KIAA1958: variants seen among roughly 807,000 people sequenced by gnomAD.
The protein encoded by KIAA1958 is KIAA1958, also known as uncharacterized protein KIAA1958.
KIAA1958 carries 14 observed loss-of-function variants against 47.2 expected under a neutral mutation model. The observed-to-expected ratio is 0.30, with a 90% CI of 0.20 to 0.46. The LOEUF is 0.46. Ranked by LOEUF, KIAA1958 falls within the 20% of genes least tolerant of loss-of-function variation. The probability of loss-of-function intolerance (pLI) is 1.00; values close to 1 mark genes in which losing one functional copy is unlikely to be tolerated. For synonymous variants in KIAA1958, 354 were observed against 353.3 expected, an observed-to-expected ratio of 1.00 and a Z score of -0.02; for missense variants, 803 against 909.2, an observed-to-expected ratio of 0.88 and a Z score of 1.50.
chr9:112,660,169 C>G lies in KIAA1958; in HGVS notation c.*100C>G. 2.9e-6 allele frequency: 3 copies of G among 1,040,728 alleles called. No individual in the cohort carries two copies. The highest frequency in any genetic ancestry group is 1.5e-5 in the South Asian group (1 of 67,364). 64.5% of individuals were successfully genotyped at this position (1,040,728 alleles called of 1,614,324 possible). ...GAGGCAGGGGCTGACCAGGTGTGAC[C>G]TCCCGGTCTGGCGGCTCTCCCCTGG... On this transcript the variant is annotated 3_prime_UTR_variant, in exon 4 of 4. Transcript: ENST00000337530.
chr9:112,618,836 G>T lies in KIAA1958; in HGVS notation c.1172-26814G>T. 6.4e-7 allele frequency: 1 copy of T among 1,550,498 alleles called. No individual in the cohort carries two copies. Among genetic ancestry groups the T allele is most frequent in the African/African-American group, 1.4e-5 (1 of 73,152 alleles). ...CTGTAACAATCTGAGCCAGCAGGCTGCCCAGTCAGTGGCCGGCCACTCCAA... is the reference window on the plus strand; with the variant it reads ...CTGTAACAATCTGAGCCAGCAGGCTTCCCAGTCAGTGGCCGGCCACTCCAA... On this transcript the variant is annotated intron_variant, in intron 2 of 3. Coordinates refer to ENST00000337530, the MANE Select transcript of KIAA1958 (RefSeq NM_133465.4). This position sits in a 1 kb window ranked among gnomAD's most constrained non-coding sequence, Gnocchi z 7.1.
rs1021368509 is a variant in KIAA1958 at position 112,662,360 on chromosome 9, A to G, written c.*2291A>G. The G allele has an allele frequency of 1.3e-5, 2 of 152,292 alleles. No individual in the cohort carries two copies. Among genetic ancestry groups the G allele is most frequent in the African/African-American group, 4.8e-5 (2 of 41,468 alleles). 9.4% of individuals were successfully genotyped at this position (152,292 alleles called of 1,614,324 possible). A position where few individuals can be genotyped will look rare whatever the true frequency, so the allele number is the denominator to read the frequency against. ...GAAGAAAACACAGTCATCAAGTGCCAGCGTGTGCCACCCATTGTACTAGGT... is the reference window on the plus strand; with the variant it reads ...GAAGAAAACACAGTCATCAAGTGCCGGCGTGTGCCACCCATTGTACTAGGT... On this transcript the variant is annotated 3_prime_UTR_variant, in exon 4 of 4. Transcript: ENST00000337530.
At chr9:112,532,176 T>C (rs779805264) in intron 1 of KIAA1958, among the ~76,000 whole-genome samples, 1 of 152,224 alleles carries the variant, frequency 6.6e-6, no homozygotes, top group Non-Finnish European at 1.5e-5. Context: ...GTAGCTTTTG[T>C]AGGCTGATGT....
chr9:112,533,458 G>A (rs1834788989), intron 1 of KIAA1958, among the ~76,000 whole-genome samples: 1 of 150,752 alleles, frequency 6.6e-6, no homozygotes, highest in East Asian at 1.9e-4. Flanking sequence ...GGTGGGTGCT[G>A]TAGTCCCAGC....
At chr9:112,567,959 CAAAAAAA>C (rs35931681) in intron 1 of KIAA1958, among the ~76,000 whole-genome samples, 4 of 66,180 alleles carry the variant, frequency 6.0e-5, no homozygotes, top group Admixed American at 2.1e-4. Flanking sequence ...GAATCCATCT[CAAAAAAA>C]AAAAAAAAAA....
At chr9:112,496,762 A>G (rs1181638107) in intron 1 of KIAA1958, among the ~76,000 whole-genome samples, 1 of 152,148 alleles carries the variant, frequency 6.6e-6, no homozygotes, top group Non-Finnish European at 1.5e-5. Context: ...GAAGCTCAGA[A>G]ACTTTACTGG....
chr9:112,522,142 T>C (rs971668991), intron 1 of KIAA1958, among the ~76,000 whole-genome samples: 1 of 152,070 alleles, frequency 6.6e-6, no homozygotes, highest in Admixed American at 6.6e-5. Flanking sequence ...CAGCTAATTT[T>C]CTATTTTTAG....
chr9:112,543,453 G>A (rs899877707), intron 1 of KIAA1958, among the ~76,000 whole-genome samples: 11 of 151,916 alleles, frequency 7.2e-5, no homozygotes, highest in African/African-American at 2.7e-4. Flanking sequence ...CTGACACCTT[G>A]GTTATATGGT....
intron 3 of KIAA1958, among the ~76,000 whole-genome samples, chr9:112,652,548 C>T (rs1837069946): frequency 1.3e-5 from 2 of 152,116 alleles, no homozygotes; most frequent in South Asian, 2.1e-4. Flanking sequence ...TTAAGAAAAA[C>T]GTTCTGTATC....
chr9:112,492,988 G>A (rs1202114970), intron 1 of KIAA1958, among the ~76,000 whole-genome samples: 1 of 140,818 alleles, frequency 7.1e-6, no homozygotes, highest in Non-Finnish European at 1.5e-5. Flanking sequence ...CTGGGCTCAT[G>A]ATATCCTCCT....
intron 1 of KIAA1958, among the ~76,000 whole-genome samples, chr9:112,502,127 A>C (rs927862746): frequency 6.6e-6 from 1 of 152,210 alleles, no homozygotes; most frequent in East Asian, 1.9e-4. Flanking sequence ...AGTTATTCTC[A>C]TATGTATTGC....
At position 112,660,037 on chromosome 9, in the gene KIAA1958, C is replaced by T. The variant is rs562492705; in HGVS notation, c.2119C>T (p.Arg707Trp). ...CTTTGTCTCGTTCACTCAGGTCTCCCGGAGGCTTGGCTCCCACAGCTGCTG... is the reference window on the plus strand; with the variant it reads ...CTTTGTCTCGTTCACTCAGGTCTCCTGGAGGCTTGGCTCCCACAGCTGCTG... ...FTFVSFTQVSRRLGSHSCCQ is the reference protein window; with the variant it reads ...FTFVSFTQVSWRLGSHSCCQ The change falls in exon 4 of 4, where the codon CGG (arginine) becomes TGG (tryptophan). Residue 707 changes from arginine to tryptophan, a missense_variant. Arg to Trp is a moderately radical substitution (Grantham distance 101). Coordinates refer to ENST00000337530, the MANE Select transcript of KIAA1958 (RefSeq NM_133465.4). 14 of 1,613,650 alleles carry T rather than the reference C, an allele frequency of 8.7e-6. No individual in the cohort carries two copies. In the South Asian group the frequency reaches 1.2e-4, roughly 14 times the overall value.
At chr9:112,494,065 C>G (rs1834013787) in intron 1 of KIAA1958, among the ~76,000 whole-genome samples, 1 of 152,182 alleles carries the variant, frequency 6.6e-6, no homozygotes, top group Non-Finnish European at 1.5e-5. Context: ...CCTTAGTTTG[C>G]TGAGTCATAT....
At chr9:112,648,425 C>T (rs1837011391) in intron 3 of KIAA1958, among the ~76,000 whole-genome samples, 1 of 152,162 alleles carries the variant, frequency 6.6e-6, no homozygotes, top group Non-Finnish European at 1.5e-5. Context: ...GATAATCTCC[C>T]TCAAATACTC....
At chr9:112,564,829 G>C (rs1835400757) in intron 1 of KIAA1958, among the ~76,000 whole-genome samples, 1 of 152,074 alleles carries the variant, frequency 6.6e-6, no homozygotes, top group African/African-American at 2.4e-5. Context: ...TAATACCAGT[G>C]GCCATGTAAT....
chr9:112,654,960 G>C (rs1287059658), intron 3 of KIAA1958, among the ~76,000 whole-genome samples: 2 of 151,856 alleles, frequency 1.3e-5, no homozygotes, highest in African/African-American at 4.8e-5. Context: ...TCTTTTTCTT[G>C]TCTTATCTGG....
chr9:112,501,318 C>A (rs993320265), intron 1 of KIAA1958, among the ~76,000 whole-genome samples: 1 of 151,870 alleles, frequency 6.6e-6, no homozygotes, highest in African/African-American at 2.4e-5. Flanking sequence ...TGGCTCATGC[C>A]TGTAGTCCCA....
intron 2 of KIAA1958, among the ~76,000 whole-genome samples, chr9:112,610,794 A>C (rs1032639198): frequency 6.6e-6 from 1 of 152,200 alleles, no homozygotes; most frequent in South Asian, 2.1e-4. Context: ...TGTAACAGAA[A>C]TAACATAAAA....
At chr9:112,577,828 T>G (rs2131177893) in intron 2 of KIAA1958, among the ~76,000 whole-genome samples, 1 of 152,010 alleles carries the variant, frequency 6.6e-6, no homozygotes. Context: ...TTCTCTTAGG[T>G]TTTTTTCTTC....
Sources: gnomAD v4.1 joint callset for allele counts (sites outside exome capture counted in the v4.1 genomes callset) on GRCh38, gnomAD v4.1.1 for gene constraint, Gnocchi (gnomAD v3.1) non-coding constraint, MANE v1.5 for transcripts, NCBI Gene and HGNC (gene_info 2026-07-23, HGNC 2026-07-21) for gene names.